PPP1R9A: variants seen among roughly 807,000 people sequenced by gnomAD.
PPP1R9A encodes the protein neurabin-1.
PPP1R9A carries 59 observed loss-of-function variants against 141.9 expected under a neutral mutation model. The ratio of observed to expected loss-of-function variants is 0.42; its 90% CI spans 0.34 to 0.52. The LOEUF (loss-of-function observed/expected upper bound fraction) is 0.52, where lower values mean the gene tolerates loss of function less well. PPP1R9A is among the 20% of genes least tolerant of loss of function. The pLI, the probability that PPP1R9A is intolerant of heterozygous loss-of-function variation, is 0.10. For synonymous variants in PPP1R9A, 500 were observed against 569.7 expected (o/e 0.88, Z 1.74); for missense variants, 1,444 against 1,611.9 (o/e 0.90, Z 1.78).
intron 7 of PPP1R9A, among the ~76,000 whole-genome samples, chr7:95,206,605 G>C (rs995236914): frequency 6.6e-6 from 1 of 152,062 alleles, no homozygotes; most frequent in African/African-American, 2.4e-5. Flanking sequence ...GTCACTCTCA[G>C]CCTGAGACAA....
At chr7:95,169,766 GT>G (rs1470805352) in intron 5 of PPP1R9A, among the ~76,000 whole-genome samples, 2 of 151,774 alleles carry the variant, frequency 1.3e-5, no homozygotes, top group Non-Finnish European at 3.0e-5. Flanking sequence ...AGAAAGATTT[GT>G]TTTTTAGTAC....
chr7:95,230,612 G>T (rs114957011), intron 8 of PPP1R9A, among the ~76,000 whole-genome samples: 1,647 of 151,946 alleles, frequency 0.011, 30 homozygotes, highest in African/African-American at 0.037. Flanking sequence ...AAATAAAAAA[G>T]AATTTTAAAA....
chr7:94,939,360 A>G (rs1795089965), intron 2 of PPP1R9A, among the ~76,000 whole-genome samples: 1 of 152,172 alleles, frequency 6.6e-6, no homozygotes, highest in Admixed American at 6.6e-5. Context: ...GTGCTGGTAG[A>G]AAGTGAGTCT....
At chr7:95,242,662 A>G (rs181662142) in intron 8 of PPP1R9A, among the ~76,000 whole-genome samples, 1 of 152,264 alleles carries the variant, frequency 6.6e-6, no homozygotes, top group Admixed American at 6.5e-5. Flanking sequence ...TCTCATAGGA[A>G]TGTGTATGTT....
intron 5 of PPP1R9A, among the ~76,000 whole-genome samples, chr7:95,195,598 A>G (rs1485015847): frequency 2.6e-5 from 4 of 152,036 alleles, no homozygotes; most frequent in Non-Finnish European, 5.9e-5. Flanking sequence ...TAACAAAGTG[A>G]TAAATTAGAC....
chr7:95,121,594 T>C (rs1228211874), intron 4 of PPP1R9A, among the ~76,000 whole-genome samples: 1 of 152,100 alleles, frequency 6.6e-6, no homozygotes, highest in East Asian at 1.9e-4. Context: ...TCTTAGTTTG[T>C]TTTGTGCTGC....
intron 2 of PPP1R9A, among the ~76,000 whole-genome samples, chr7:95,065,943 A>G (rs962366983): frequency 6.6e-6 from 1 of 152,170 alleles, no homozygotes; most frequent in African/African-American, 2.4e-5. Context: ...TCATCCTACA[A>G]AGAGATTCAC....
chr7:95,134,872 A>G (rs1030588773), intron 4 of PPP1R9A, among the ~76,000 whole-genome samples: 1 of 152,146 alleles, frequency 6.6e-6, no homozygotes, highest in Non-Finnish European at 1.5e-5. Flanking sequence ...CCTAAAGGCA[A>G]TTTTCAATAA....
chr7:95,111,419 A>G, intron 3 of PPP1R9A, 28 bp downstream of exon 3: 6 of 1,593,308 alleles, frequency 3.8e-6, no homozygotes, highest in Non-Finnish European at 5.1e-6. Context: ...TGTTAATATC[A>G]TTATGTTGCT....
chr7:95,099,503 G>A (rs556421943), intron 2 of PPP1R9A, among the ~76,000 whole-genome samples: 33 of 152,328 alleles, frequency 2.2e-4, no homozygotes, highest in African/African-American at 7.5e-4. Context: ...ATGAACATCA[G>A]TGGAATTTCC....
chr7:95,003,493 A>G (rs903784577), intron 2 of PPP1R9A, among the ~76,000 whole-genome samples: 3 of 152,178 alleles, frequency 2.0e-5, no homozygotes, highest in Non-Finnish European at 4.4e-5. Context: ...TGTTAAGGGG[A>G]TGCTCCTTTA....
At chr7:95,096,049 T>G (rs1817971963) in intron 2 of PPP1R9A, among the ~76,000 whole-genome samples, 1 of 152,200 alleles carries the variant, frequency 6.6e-6, no homozygotes, top group African/African-American at 2.4e-5. Flanking sequence ...TGAAGCAGTT[T>G]GAGATTGTAG....
At chr7:95,007,410 C>T (rs1803772588) in intron 2 of PPP1R9A, among the ~76,000 whole-genome samples, 1 of 152,160 alleles carries the variant, frequency 6.6e-6, no homozygotes, top group African/African-American at 2.4e-5. Flanking sequence ...CTTAAGATGA[C>T]GTTGCTTGAA....
intron 2 of PPP1R9A, among the ~76,000 whole-genome samples, chr7:94,975,984 G>A (rs1009138794): frequency 3.3e-5 from 5 of 151,986 alleles, no homozygotes; most frequent in African/African-American, 1.2e-4. Flanking sequence ...CTCTCTAAAT[G>A]TTGGGTCATT....
At chr7:94,993,108 A>G (rs1801725704) in intron 2 of PPP1R9A, among the ~76,000 whole-genome samples, 2 of 151,176 alleles carry the variant, frequency 1.3e-5, no homozygotes, top group African/African-American at 4.9e-5. Context: ...TCTTTTTTGC[A>G]TCTGGATATC....
At position 95,293,730 on chromosome 7, in the gene PPP1R9A, C is replaced by T. The variant is rs1316792287; in HGVS notation, c.*3427C>T. On this transcript the variant is annotated 3_prime_UTR_variant, in exon 20 of 20. Transcript: ENST00000433360. ...AGGTGGTTTGATCTAGCACCTCGGC[C>T]GTTAGAGTTTGTGCTGAAGACAAAT... The T allele has an allele frequency of 2.0e-5, 3 of 152,262 alleles. No homozygotes were observed. The highest frequency in any genetic ancestry group is 2.9e-5 in the Non-Finnish European group (2 of 68,018). The allele number at this position is 152,262 out of a possible 1,614,324, so 9.4% of individuals were successfully genotyped here. A position where few individuals can be genotyped will look rare whatever the true frequency, so the allele number is the denominator to read the frequency against.
intron 5 of PPP1R9A, among the ~76,000 whole-genome samples, chr7:95,185,193 T>C (rs1339296996): frequency 6.6e-6 from 1 of 151,970 alleles, no homozygotes; most frequent in Non-Finnish European, 1.5e-5. Context: ...CATGCCAACA[T>C]CTATGTTTTT....
chr7:95,256,192 A>C (rs78743813), intron 12 of PPP1R9A, among the ~76,000 whole-genome samples: 1 of 106,190 alleles, frequency 9.4e-6, no homozygotes, highest in Non-Finnish European at 1.9e-5. Flanking sequence ...ATCCTGTCTC[A>C]AAAAAAAAAA....
intron 3 of PPP1R9A, among the ~76,000 whole-genome samples, chr7:95,113,092 C>T (rs540508638): frequency 1.7e-4 from 26 of 152,212 alleles, no homozygotes; most frequent in African/African-American, 5.8e-4. Flanking sequence ...TAAAAAAAGA[C>T]GTTCTTGAGC....
Sources: allele counts gnomAD v4.1 joint callset (sites outside exome capture counted in the v4.1 genomes callset), GRCh38; gene constraint gnomAD v4.1.1; transcripts MANE v1.5; gene names NCBI Gene and HGNC (gene_info 2026-07-23, HGNC 2026-07-21).